The following GRID2 variants were observed in gnomAD, a reference collection of about 807,000 sequenced individuals.
GRID2 encodes glutamate receptor ionotropic, delta-2.
A neutral mutation model predicts 114.8 loss-of-function variants in GRID2; 33 were observed. The observed-to-expected ratio is 0.29, with a 90% CI of 0.22 to 0.38. The LOEUF is 0.38. Among genes scored for constraint, GRID2 ranks in the 10% least tolerant of loss-of-function variants. The pLI is 1.00. For synonymous variants in GRID2, 505 were observed against 449.9 expected (o/e 1.12, Z -1.55); for missense variants, 1,184 against 1,257.7 (o/e 0.94, Z 0.89).
intron 8 of GRID2, among the ~76,000 whole-genome samples, chr4:93,306,519 A>C (rs1755440392): frequency 6.6e-6 from 1 of 152,212 alleles, no homozygotes; most frequent in Non-Finnish European, 1.5e-5. Context: ...GAGATTAAAC[A>C]AAGCCTTTCT....
In GRID2 at chr4:92,895,821, A is replaced by G. The variant is rs573705489; in HGVS notation, c.245-189174A>G. 2.6e-5 allele frequency among the ~76,000 whole-genome samples: 4 copies of G among 152,290 alleles called. No homozygotes were observed. The South Asian group carries it at 6.2e-4, about 24-fold the overall frequency. ...CAATGTTGAATAACTTGCCCAAGGTAAAGAAATCTAGTAAGTATCAATCAA... is the reference window on the plus strand; with the variant it reads ...CAATGTTGAATAACTTGCCCAAGGTGAAGAAATCTAGTAAGTATCAATCAA... On this transcript the variant is annotated intron_variant, in intron 2 of 15. Transcript: ENST00000282020.
At chr4:93,014,094 A>T (rs1167992204) in intron 2 of GRID2, among the ~76,000 whole-genome samples, 1 of 152,082 alleles carries the variant, frequency 6.6e-6, no homozygotes, top group Non-Finnish European at 1.5e-5. Context: ...AATTCTGCTC[A>T]TGTGTCAGTT....
At chr4:93,128,969 G>T (rs994711470) in intron 4 of GRID2, among the ~76,000 whole-genome samples, 1 of 152,088 alleles carries the variant, frequency 6.6e-6, no homozygotes, top group Non-Finnish European at 1.5e-5. Context: ...ACCAGTGTTG[G>T]TTTGTATTCT....
intron 4 of GRID2, among the ~76,000 whole-genome samples, chr4:93,172,508 C>T (rs1738933060): frequency 6.6e-6 from 1 of 151,958 alleles, no homozygotes; most frequent in Admixed American, 6.6e-5. Context: ...AGGAGAATCA[C>T]TTGAACCTGG....
chr4:92,441,256 A>T (rs1226869917), intron 1 of GRID2, among the ~76,000 whole-genome samples: 2 of 152,128 alleles, frequency 1.3e-5, no homozygotes, highest in Admixed American at 6.5e-5. Flanking sequence ...TGTTTTTATG[A>T]GAATTATGCC....
intron 8 of GRID2, among the ~76,000 whole-genome samples, chr4:93,326,467 A>G (rs1757846573): frequency 6.6e-6 from 1 of 152,188 alleles, no homozygotes; most frequent in African/African-American, 2.4e-5. Context: ...ACACAGGACC[A>G]TGGCTTCCAG....
chr4:93,534,637 C>T (rs2149518663), intron 13 of GRID2, among the ~76,000 whole-genome samples: 1 of 152,048 alleles, frequency 6.6e-6, no homozygotes, highest in East Asian at 1.9e-4. Context: ...CAAAATAACC[C>T]CCAAAAAATT....
At chr4:93,155,334 A>G (rs193230775) in intron 4 of GRID2, among the ~76,000 whole-genome samples, 50 of 152,064 alleles carry the variant, frequency 3.3e-4, no homozygotes, top group African/African-American at 1.2e-3. Flanking sequence ...TGCTCTGCAC[A>G]GAAGGCCTTT....
At chr4:93,166,646 ATC>A (rs1738277183) in intron 4 of GRID2, among the ~76,000 whole-genome samples, 1 of 152,138 alleles carries the variant, frequency 6.6e-6, no homozygotes, top group Non-Finnish European at 1.5e-5. Flanking sequence ...TTTATGAGGA[ATC>A]CCAGAAGCCT....
intron 13 of GRID2, among the ~76,000 whole-genome samples, chr4:93,550,826 C>T (rs2149542509): frequency 6.6e-6 from 1 of 152,198 alleles, no homozygotes; most frequent in South Asian, 2.1e-4. Flanking sequence ...TTATTATATG[C>T]CCTAAATATT....
At chr4:93,440,211 T>C (rs1204582847) in intron 10 of GRID2, among the ~76,000 whole-genome samples, 1 of 151,796 alleles carries the variant, frequency 6.6e-6, no homozygotes, top group African/African-American at 2.4e-5. Flanking sequence ...AAACCAGCCT[T>C]GAAAATATAT....
At chr4:93,474,186 C>T (rs922400777) in intron 11 of GRID2, among the ~76,000 whole-genome samples, 8 of 152,092 alleles carry the variant, frequency 5.3e-5, no homozygotes, top group Middle Eastern at 3.4e-3. Context: ...AATAGAGAAA[C>T]GACAAATGCA....
intron 9 of GRID2, among the ~76,000 whole-genome samples, chr4:93,409,012 G>A (rs1372543563): frequency 2.6e-5 from 4 of 152,122 alleles, no homozygotes; most frequent in African/African-American, 7.2e-5. Context: ...TGTCTACAAA[G>A]GGTATAGAGT....
chr4:93,195,954 C>G (rs942892418), intron 4 of GRID2, among the ~76,000 whole-genome samples: 1 of 152,112 alleles, frequency 6.6e-6, no homozygotes, highest in African/African-American at 2.4e-5. Context: ...TTGTCGAATT[C>G]TAGAATTCTG....
intron 2 of GRID2, among the ~76,000 whole-genome samples, chr4:93,040,666 G>T (rs1013056644): frequency 2.6e-5 from 4 of 152,090 alleles, no homozygotes; most frequent in Admixed American, 2.6e-4. Context: ...TTTTAACAAT[G>T]AAAAATCGGT....
chr4:92,781,972 T>C (rs1278198256), intron 2 of GRID2, among the ~76,000 whole-genome samples: 1 of 152,092 alleles, frequency 6.6e-6, no homozygotes, highest in African/African-American at 2.4e-5. Context: ...GAATAGGGAC[T>C]TTATTGTTTT....
At chr4:93,164,158 G>A (rs1338957440) in intron 4 of GRID2, among the ~76,000 whole-genome samples, 3 of 151,312 alleles carry the variant, frequency 2.0e-5, no homozygotes, top group East Asian at 1.9e-4. Flanking sequence ...AGCCCGGGGG[G>A]GGAAAAAAAA....
At chr4:93,651,541 G>A (rs182222617) in intron 14 of GRID2, among the ~76,000 whole-genome samples, 1 of 151,968 alleles carries the variant, frequency 6.6e-6, no homozygotes, top group Non-Finnish European at 1.5e-5. Flanking sequence ...GCATTTAATG[G>A]GGATCTTGCA....
intron 2 of GRID2, among the ~76,000 whole-genome samples, chr4:92,973,647 A>G (rs530002134): frequency 6.6e-6 from 1 of 152,326 alleles, no homozygotes; most frequent in South Asian, 2.1e-4. Context: ...AAGTAGCCAT[A>G]CCAATGTGAG....
Sources: allele counts gnomAD v4.1 joint callset (sites outside exome capture counted in the v4.1 genomes callset), GRCh38; gene constraint gnomAD v4.1.1; transcripts MANE v1.5; gene names NCBI Gene and HGNC (gene_info 2026-07-23, HGNC 2026-07-21).